Variants in EMILIN2 observed in about 807,000 individuals in gnomAD.
EMILIN2 encodes EMILIN-2.
A neutral mutation model predicts 87.1 loss-of-function variants in EMILIN2; 71 were observed. The observed-to-expected ratio is 0.82, with a 90% confidence interval of 0.67 to 0.99. The LOEUF is 0.99. Ranked by LOEUF, EMILIN2 falls within the 50% of genes least tolerant of loss-of-function variation. The probability of loss-of-function intolerance (pLI) is 0.00; values close to 1 mark genes in which losing one functional copy is unlikely to be tolerated. For missense variants in EMILIN2, 1,407 were observed against 1,371.8 expected (o/e 1.03, Z -0.40); for synonymous variants, 581 against 563.4 (o/e 1.03, Z -0.44).
rs1463845624 is a variant in EMILIN2, at chr18:2,847,802, A to T, written c.135-7A>T. 5 of 1,612,352 alleles carry T rather than the reference A, an allele frequency of 3.1e-6. No homozygotes were observed. The African/African-American group carries it at 6.7e-5, about 22-fold the overall frequency. On this transcript the variant is annotated splice_region_variant and splice_polypyrimidine_tract_variant and intron_variant, in intron 1 of 7. Coordinates refer to ENST00000254528, the MANE Select transcript of EMILIN2 (RefSeq NM_032048.3). The surrounding 1 kb of genome is among the most constrained non-coding windows in gnomAD (Gnocchi z 4.5). Reference sequence around the variant, plus strand: ...GTGCCCCTCTCCCTCTCTCTCCTGCACCCCAGGAACTGGTGCGCCTACATC... The same window carrying T: ...GTGCCCCTCTCCCTCTCTCTCCTGCTCCCCAGGAACTGGTGCGCCTACATC...
intron 4 of EMILIN2, chr18:2,906,264 G>A (rs1431513562): frequency 1.3e-5 from 2 of 152,624 alleles, no homozygotes; most frequent in East Asian, 3.9e-4. Flanking sequence ...CCTTCCGCTG[G>A]CGACGTGGGC....
intron 6 of EMILIN2, 100 bp downstream of exon 6, chr18:2,909,075 A>T: frequency 2.1e-6 from 3 of 1,456,756 alleles, no homozygotes; most frequent in Admixed American, 3.3e-5. Context: ...CTATTAGCAC[A>T]AATCAAGCCT....
At position 2,847,153 on chromosome 18, in the gene EMILIN2, G is replaced by C; in HGVS notation, c.-36G>C. 1 of 1,067,924 alleles carries C rather than the reference G, an allele frequency of 9.4e-7. No homozygotes were observed. The highest frequency in any genetic ancestry group is 1.1e-6 in the Non-Finnish European group (1 of 887,086). The allele number at this position is 1,067,924 out of a possible 1,614,324, so 66.2% of individuals were successfully genotyped here. ...CGGTGCCCCGATCCGCCGCGCTCCG[G>C]ACCCGGGCAGGCGGGGCGCGCCCGC... is the stretch of plus-strand genomic sequence containing the variant. On this transcript the variant is annotated 5_prime_UTR_variant, in exon 1 of 8. Transcript: ENST00000254528. The surrounding 1 kb of genome is among the most constrained non-coding windows in gnomAD (Gnocchi z 4.5).
At chr18:2,867,880 T>G (rs1301216010) in intron 2 of EMILIN2, among the ~76,000 whole-genome samples, 45 of 150,104 alleles carry the variant, frequency 3.0e-4, no homozygotes, top group Non-Finnish European at 3.1e-4. Flanking sequence ...CCTCCCAGAG[T>G]GGGTGGTGGC....
chr18:2,906,933 AGCCGCCAGGCTCCACC>A lies in EMILIN2; in HGVS notation c.2512_2527del (p.Pro838GlyfsTer53), dbSNP rs1383597264. 6.4e-6 allele frequency: 9 copies of A among 1,397,580 alleles called. No homozygotes were observed. Among genetic ancestry groups the A allele is most frequent in the Non-Finnish European group, 7.5e-6 (8 of 1,073,294 alleles). 86.6% of individuals were successfully genotyped at this position (1,397,580 alleles called of 1,614,324 possible). On this transcript the variant is annotated frameshift_variant, in exon 5 of 8. Coordinates refer to ENST00000254528, the MANE Select transcript of EMILIN2 (RefSeq NM_032048.3). LOFTEE classifies it high-confidence loss of function. ...CGGCCCCCCGAGGAGAGGCCGCCCC[AGCCGCCAGGCTCCACC>A]GGGGTCATCGCGGAGACGGGCCAGG...
At chr18:2,868,614 C>A (rs568200722) in intron 2 of EMILIN2, among the ~76,000 whole-genome samples, 2 of 152,244 alleles carry the variant, frequency 1.3e-5, no homozygotes, top group Non-Finnish European at 2.9e-5. Flanking sequence ...GCCAACACAG[C>A]GAAACCCCGT....
rs1423501847 is a variant in EMILIN2, at chr18:2,847,827, C to T, written c.153C>T (p.Ile51=). 3 of 1,613,342 alleles carry T rather than the reference C, an allele frequency of 1.9e-6. No individual in the cohort carries two copies. The highest frequency in any genetic ancestry group is 1.7e-6 in the Non-Finnish European group (2 of 1,179,808). Residue 51 remains isoleucine (I), a synonymous_variant, in exon 2 of 8, where the codon ATC becomes ATT. Transcript: ENST00000254528. The surrounding 1 kb of genome is among the most constrained non-coding windows in gnomAD (Gnocchi z 4.5). ...SARNKNWCAY[I]VNKNVSCSVL... ...ACCCCAGGAACTGGTGCGCCTACAT[C>T]GTGAACAAGAATGTGAGCTGCTCCG...
intron 2 of EMILIN2, among the ~76,000 whole-genome samples, chr18:2,862,356 T>C (rs1248286105): frequency 6.6e-6 from 1 of 152,180 alleles, no homozygotes; most frequent in African/African-American, 2.4e-5. Flanking sequence ...TTCAGTATGA[T>C]ATTTGCTGTG....
At chr18:2,870,467 A>C (rs1355525451) in intron 2 of EMILIN2, among the ~76,000 whole-genome samples, 1 of 152,240 alleles carries the variant, frequency 6.6e-6, no homozygotes. Flanking sequence ...ACAGTGATAC[A>C]GTAAGGATCT....
chr18:2,858,959 CTTG>C (rs2143964896), intron 2 of EMILIN2, among the ~76,000 whole-genome samples: 1 of 152,226 alleles, frequency 6.6e-6, no homozygotes, highest in African/African-American at 2.4e-5. Context: ...TCTTTATCCA[CTTG>C]TTGATTGATG....
rs774268204 is a variant in EMILIN2, at chr18:2,890,053, TATG to T, written c.434-505_434-503del. On this transcript the variant is annotated intron_variant, in intron 3 of 7. Coordinates refer to ENST00000254528, the MANE Select transcript of EMILIN2 (RefSeq NM_032048.3). This position sits in a 1 kb window ranked among gnomAD's most constrained non-coding sequence, Gnocchi z 4.7. The stretch of plus-strand genomic sequence containing the variant: ...CTGCTTTGAGGATAACATCAGAAAA[TATG>T]ATATCATATGATATCACCATCCAAC... Among the ~76,000 whole-genome samples the T allele has an allele frequency of 6.6e-6, 1 of 152,114 alleles. No individual in the cohort carries two copies. Among genetic ancestry groups the T allele is most frequent in the Non-Finnish European group, 1.5e-5 (1 of 68,016 alleles).
chr18:2,892,363 G>A lies in EMILIN2; in HGVS notation c.2236G>A (p.Gly746Arg), dbSNP rs777733825. Reference sequence around the variant, plus strand: ...GTGGAACTGTGTCAGGCAGATGAACGGAACGCTCAGGTCGCATTCCAGAGA... The same window carrying A: ...GTGGAACTGTGTCAGGCAGATGAACAGAACGCTCAGGTCGCATTCCAGAGA... ...SLWNCVRQMNGTLRSHSRDIS... is the reference protein window; with the variant it reads ...SLWNCVRQMNRTLRSHSRDIS... The change falls in exon 4 of 8, where the codon GGA becomes AGA. Residue 746 changes from glycine to arginine, a missense_variant. Transcript: ENST00000254528. 15 of 1,614,116 alleles carry A rather than the reference G, an allele frequency of 9.3e-6. 1 individual carries two copies. The highest frequency in any genetic ancestry group is 7.7e-5 in the South Asian group (7 of 91,076).
chr18:2,889,093 CT>C (rs1568472899), intron 3 of EMILIN2, among the ~76,000 whole-genome samples: 1 of 138,624 alleles, frequency 7.2e-6, no homozygotes, highest in African/African-American at 2.7e-5. Context: ...GTATTTCTTT[CT>C]TTCTTTTTCT....
At chr18:2,850,467 A>T (rs2076596342) in intron 2 of EMILIN2, among the ~76,000 whole-genome samples, 1 of 151,628 alleles carries the variant, frequency 6.6e-6, no homozygotes, top group African/African-American at 2.4e-5. Flanking sequence ...GTGCAGTGGC[A>T]CCATCATAGT....
At chr18:2,879,784 C>T (rs898711216) in intron 2 of EMILIN2, among the ~76,000 whole-genome samples, 1 of 151,898 alleles carries the variant, frequency 6.6e-6, no homozygotes, top group African/African-American at 2.4e-5. Flanking sequence ...TGGCTCACTG[C>T]AGTCTCAAAT....
At chr18:2,883,799 C>T (rs2076789093) in intron 2 of EMILIN2, among the ~76,000 whole-genome samples, 1 of 152,188 alleles carries the variant, frequency 6.6e-6, no homozygotes, top group South Asian at 2.1e-4. Context: ...CTGTCATTGA[C>T]AGTATGAACC....
rs1251732643 is a variant in EMILIN2, at chr18:2,914,870, G to A, written c.*1466G>A. On this transcript the variant is annotated 3_prime_UTR_variant, in exon 8 of 8. Transcript: ENST00000254528. ...TTAAAATGTGGACCTCTTTGTCCAG[G>A]AGCGGGAGGGAGAATGGCATCTCAC... 6.6e-6 allele frequency: 1 copy of A among 152,210 alleles called. No individual in the cohort carries two copies. Among genetic ancestry groups the A allele is most frequent in the African/African-American group, 2.4e-5 (1 of 41,434 alleles). The allele number at this position is 152,210 out of a possible 1,614,324, so 9.4% of individuals were successfully genotyped here. A position where few individuals can be genotyped will look rare whatever the true frequency, so the allele number is the denominator to read the frequency against.
At chr18:2,863,012 G>T (rs2076668769) in intron 2 of EMILIN2, among the ~76,000 whole-genome samples, 2 of 152,220 alleles carry the variant, frequency 1.3e-5, no homozygotes, top group Admixed American at 1.3e-4. Flanking sequence ...TTTGCGTAGA[G>T]ATGTTTATAG....
chr18:2,855,360 G>A (rs2076621511), intron 2 of EMILIN2, among the ~76,000 whole-genome samples: 2 of 152,214 alleles, frequency 1.3e-5, no homozygotes, highest in Non-Finnish European at 2.9e-5. Context: ...AGGCAGGGCC[G>A]AGACTGGGGC....
Sources: allele counts gnomAD v4.1 joint callset (sites outside exome capture counted in the v4.1 genomes callset), GRCh38; gene constraint gnomAD v4.1.1; non-coding constraint Gnocchi (gnomAD v3.1); transcripts MANE v1.5; gene names NCBI Gene and HGNC (gene_info 2026-07-23, HGNC 2026-07-21).